The following ASB5 variants were observed in gnomAD, a reference collection of about 807,000 sequenced individuals.
ASB5 encodes the protein ankyrin repeat and SOCS box protein 5.
Under a neutral mutation model 42.1 loss-of-function variants are expected in ASB5, and 45 were observed. The ratio of observed to expected loss-of-function variants is 1.07; its 90% confidence interval spans 0.84 to 1.37. The LOEUF (loss-of-function observed/expected upper bound fraction) is 1.37. Ranked by LOEUF, ASB5 falls within the 40% of genes most tolerant of loss-of-function variation. The probability of loss-of-function intolerance (pLI) is 0.00; values close to 1 mark genes in which losing one functional copy is unlikely to be tolerated. For missense variants in ASB5, 402 were observed against 399.8 expected (o/e 1.01, Z -0.05); for synonymous variants, 147 against 150.6 (o/e 0.98, Z 0.18).
chr4:176,240,478 A>G (rs1462782308), intron 1 of ASB5, among the ~76,000 whole-genome samples: 1 of 152,204 alleles, frequency 6.6e-6, no homozygotes, highest in African/African-American at 2.4e-5. Flanking sequence ...AAAGTTTCAA[A>G]GAAGGGCACT....
At chr4:176,239,525 T>C (rs890107696) in intron 1 of ASB5, among the ~76,000 whole-genome samples, 17 of 152,224 alleles carry the variant, frequency 1.1e-4, no homozygotes, top group Admixed American at 6.5e-4. Context: ...CCGTATATTA[T>C]AATGATCTAT....
chr4:176,273,240 G>A (rs111547431), upstream of ASB5, among the ~76,000 whole-genome samples: 118 of 152,234 alleles, frequency 7.8e-4, 1 homozygote, highest in African/African-American at 2.6e-3. Context: ...GCATAATGGC[G>A]ACATGTTCCT....
intron 1 of ASB5, among the ~76,000 whole-genome samples, chr4:176,265,912 G>A (rs747197754): frequency 4.6e-5 from 7 of 152,096 alleles, no homozygotes; most frequent in African/African-American, 7.2e-5. Flanking sequence ...CAAAGAATAG[G>A]CCCCTGCAGT....
At chr4:176,244,094 C>A (rs1753862853) in intron 1 of ASB5, among the ~76,000 whole-genome samples, 1 of 152,080 alleles carries the variant, frequency 6.6e-6, no homozygotes, top group Admixed American at 6.6e-5. Flanking sequence ...CTCACCATTT[C>A]TATGTTTCTT....
At chr4:176,251,878 C>T (rs72708309) in intron 1 of ASB5, among the ~76,000 whole-genome samples, 4 of 150,992 alleles carry the variant, frequency 2.6e-5, no homozygotes, top group African/African-American at 9.7e-5. Flanking sequence ...CCTGGGCAAG[C>T]AACATGGCTA....
At chr4:176,225,600 T>C (rs1462846344) in intron 1 of ASB5, among the ~76,000 whole-genome samples, 2 of 152,188 alleles carry the variant, frequency 1.3e-5, no homozygotes, top group Non-Finnish European at 2.9e-5. Flanking sequence ...AATTTTTTAT[T>C]TTATTTAATA....
At chr4:176,223,875 A>C (rs1376940924) in intron 2 of ASB5, among the ~76,000 whole-genome samples, 3 of 152,220 alleles carry the variant, frequency 2.0e-5, no homozygotes, top group African/African-American at 7.2e-5. Context: ...TCTTCTTCAA[A>C]GAACCACACG....
At chr4:176,269,651 A>AG (rs1754431619), upstream of ASB5, among the ~76,000 whole-genome samples, 1 of 151,928 alleles carries the variant, frequency 6.6e-6, no homozygotes, top group Admixed American at 6.6e-5. Flanking sequence ...ATTTAAAAAA[A>AG]CATTTTTCTT....
intron 1 of ASB5, among the ~76,000 whole-genome samples, chr4:176,258,495 A>G (rs1754198526): frequency 6.6e-6 from 1 of 152,208 alleles, no homozygotes; most frequent in African/African-American, 2.4e-5. Context: ...TCAAGGACCA[A>G]GTGACTTTGG....
chr4:176,252,865 T>C (rs1215269534), intron 1 of ASB5, among the ~76,000 whole-genome samples: 1 of 152,198 alleles, frequency 6.6e-6, no homozygotes, highest in Non-Finnish European at 1.5e-5. Context: ...GCCTCTGCAG[T>C]TTAAAGCCTT....
rs552930492 is a variant in ASB5 at position 176,250,904 on chromosome 4, T to C, written c.196+18009A>G. ...CTGGGCATTTACCATTCTTATAAAA[T>C]GACACTTTTCTGGTCCTTTCATTCT... On this transcript the variant is annotated intron_variant, in intron 1 of 6. Transcript: ENST00000296525. Among the ~76,000 whole-genome samples, 76 of 152,348 alleles carry C rather than the reference T, an allele frequency of 5.0e-4. 1 individual carries two copies. Among genetic ancestry groups the C allele is most frequent in the South Asian group, 8.3e-4 (4 of 4,830 alleles).
At chr4:176,221,689 T>C in intron 3 of ASB5, 89 bp from the exon 4 acceptor site, 1 of 1,231,900 alleles carries the variant, frequency 8.1e-7, no homozygotes, top group Non-Finnish European at 1.1e-6. Flanking sequence ...TGTGATTTGC[T>C]AACAGAAATA....
At chr4:176,260,598 G>A (rs192839909) in intron 1 of ASB5, among the ~76,000 whole-genome samples, 2 of 152,304 alleles carry the variant, frequency 1.3e-5, no homozygotes, top group Admixed American at 1.3e-4. Context: ...ATTGCTGAGG[G>A]AAGGCTGGAA....
At chr4:176,261,871 T>C (rs1754273549) in intron 1 of ASB5, among the ~76,000 whole-genome samples, 1 of 151,856 alleles carries the variant, frequency 6.6e-6, no homozygotes, top group Non-Finnish European at 1.5e-5. Context: ...AACATATACA[T>C]ATATATAATA....
At chr4:176,246,278 G>A (rs768851920) in intron 1 of ASB5, among the ~76,000 whole-genome samples, 13 of 152,150 alleles carry the variant, frequency 8.5e-5, no homozygotes, top group Admixed American at 3.3e-4. Context: ...AGGGAAAAAG[G>A]AAGAATGATG....
At chr4:176,223,819 C>T (rs1226732284) in intron 2 of ASB5, among the ~76,000 whole-genome samples, 1 of 152,304 alleles carries the variant, frequency 6.6e-6, no homozygotes, top group South Asian at 2.1e-4. Flanking sequence ...CTTGGCTGAA[C>T]TGTCAGTGGA....
chr4:176,235,727 A>G (rs1313526679), intron 1 of ASB5, among the ~76,000 whole-genome samples: 2 of 152,118 alleles, frequency 1.3e-5, no homozygotes, highest in Non-Finnish European at 1.5e-5. Context: ...GATCCTATTT[A>G]CATTCTCATT....
In ASB5 at chr4:176,219,589, T is replaced by TG. The variant is rs1554042726; in HGVS notation, c.670+1565_670+1566insC. On this transcript the variant is annotated intron_variant, in intron 5 of 6. Coordinates refer to ENST00000296525, the MANE Select transcript of ASB5 (RefSeq NM_080874.4). ...TATATTTGTATGATATATATATATA[T>TG]ATATATATATATATATATATATATA... is the stretch of plus-strand genomic sequence containing the variant. Among the ~76,000 whole-genome samples, 10 of 44,026 alleles carry TG rather than the reference T, an allele frequency of 2.3e-4. 2 individuals carry two copies. Among genetic ancestry groups the TG allele is most frequent in the African/African-American group, 7.6e-4 (10 of 13,232 alleles). 28.9% of individuals were successfully genotyped at this position (44,026 alleles called of 152,430 possible).
chr4:176,221,033 A>C, intron 5 of ASB5, 122 bp downstream of exon 5: 1 of 1,256,996 alleles, frequency 8.0e-7, no homozygotes, highest in Non-Finnish European at 1.1e-6. Context: ...TTCATGTGTG[A>C]AAATGCTTAA....
Sources: gnomAD v4.1 joint callset for allele counts (sites outside exome capture counted in the v4.1 genomes callset) on GRCh38, gnomAD v4.1.1 for gene constraint, MANE v1.5 for transcripts, NCBI Gene and HGNC (gene_info 2026-07-23, HGNC 2026-07-21) for gene names.